Variants in SLC28A1 observed in about 807,000 individuals in gnomAD.
SLC28A1 encodes the protein solute carrier family 28 member 1.
Under a neutral mutation model 74.8 loss-of-function variants are expected in SLC28A1, and 64 were observed. The observed-to-expected ratio is 0.86, with a 90% CI of 0.70 to 1.05. The LOEUF (loss-of-function observed/expected upper bound fraction) is 1.05. SLC28A1 is among the 50% of genes least tolerant of loss of function. The pLI is 0.00. For synonymous variants in SLC28A1, 359 were observed against 335.0 expected, an observed-to-expected ratio of 1.07 and a Z score of -0.78; for missense variants, 828 against 822.8, an observed-to-expected ratio of 1.01 and a Z score of -0.08.
At chr15:84,926,421 T>C (rs193104992) in intron 12 of SLC28A1, 66 of 367,760 alleles carry the variant, frequency 1.8e-4, no homozygotes, top group Non-Finnish European at 2.0e-4. Flanking sequence ...CAGGCTGGTC[T>C]TGAACTCCTG....
At chr15:84,930,243 C>T (rs1182080087) in intron 12 of SLC28A1, among the ~76,000 whole-genome samples, 1 of 152,190 alleles carries the variant, frequency 6.6e-6, no homozygotes, top group Non-Finnish European at 1.5e-5. Flanking sequence ...TCCCAAGATT[C>T]CAGGTGTGGC....
chr15:84,945,570 A>C lies in SLC28A1; in HGVS notation c.*370A>C. ...CCCTTCTGTTGTGGGCTGCACACCAAAGCCTCCTCCCCTCCCCACTTCCTA... is the reference window on the plus strand; with the variant it reads ...CCCTTCTGTTGTGGGCTGCACACCACAGCCTCCTCCCCTCCCCACTTCCTA... On this transcript the variant is annotated 3_prime_UTR_variant, in exon 19 of 19. Coordinates refer to ENST00000394573, the MANE Select transcript of SLC28A1 (RefSeq NM_004213.5). 1 of 311,828 alleles carries C rather than the reference A, an allele frequency of 3.2e-6. No homozygotes were observed. Among genetic ancestry groups the C allele is most frequent in the Non-Finnish European group, 6.3e-6 (1 of 159,628 alleles). The allele number at this position is 311,828 out of a possible 1,614,324, so 19.3% of individuals were successfully genotyped here. A position where few individuals can be genotyped will look rare whatever the true frequency, so the allele number is the denominator to read the frequency against.
chr15:84,957,248 GT>G, the SLC28A1 span, among the ~76,000 whole-genome samples: 2 of 151,982 alleles, frequency 1.3e-5, no homozygotes, highest in South Asian at 4.2e-4. Flanking sequence ...TTTGCACGTA[GT>G]TTTTTGTTTG....
chr15:84,905,743 GC>G, intron 8 of SLC28A1, 91 bp downstream of exon 8: 1 of 989,110 alleles, frequency 1.0e-6, no homozygotes, highest in Non-Finnish European at 1.6e-6. Flanking sequence ...GGGTGGTGAG[GC>G]CATAGAGAAG....
At chr15:84,908,568 A>C (rs1331906388) in intron 8 of SLC28A1, 150 bp from the exon 9 acceptor site, 1 of 706,232 alleles carries the variant, frequency 1.4e-6, no homozygotes, top group Non-Finnish European at 2.5e-6. Context: ...AGCAGCTTTA[A>C]CGCACCTTGC....
chr15:84,951,437 A>AT, the SLC28A1 span, among the ~76,000 whole-genome samples: 2 of 44,536 alleles, frequency 4.5e-5, no homozygotes, highest in African/African-American at 1.4e-4. Context: ...AAAAAAAATA[A>AT]TTAAAAAAAA....
At chr15:84,910,925 T>C (rs1968107228) in intron 9 of SLC28A1, among the ~76,000 whole-genome samples, 1 of 152,074 alleles carries the variant, frequency 6.6e-6, no homozygotes, top group South Asian at 2.1e-4. Flanking sequence ...CAGAAGAGAT[T>C]TGGACAGACT....
chr15:84,928,663 G>A lies in SLC28A1; in HGVS notation c.1084-4482G>A, dbSNP rs1322787409. 8.0e-5 allele frequency among the ~76,000 whole-genome samples: 11 copies of A among 138,198 alleles called. No individual in the cohort carries two copies. The South Asian group carries it at 9.7e-4, about 12-fold the overall frequency. 90.7% of individuals were successfully genotyped at this position (138,198 alleles called of 152,430 possible). On this transcript the variant is annotated intron_variant, in intron 12 of 18. Coordinates refer to ENST00000394573, the MANE Select transcript of SLC28A1 (RefSeq NM_004213.5). ...TTTTGAGACAGAGTCTCCCTCTGTC[G>A]CCCAGGCTGGAGTGCAGTGGCTCAA...
intron 9 of SLC28A1, 67 bp downstream of exon 9, chr15:84,908,862 G>T: frequency 7.4e-7 from 1 of 1,348,236 alleles, no homozygotes; most frequent in Non-Finnish European, 1.1e-6. Context: ...CTAGAGGGGA[G>T]TCTGGGCATG....
At chr15:84,971,232 T>C in the SLC28A1 span, among the ~76,000 whole-genome samples, 156 of 152,274 alleles carry the variant, frequency 1.0e-3, 1 homozygote, top group African/African-American at 3.6e-3. Flanking sequence ...GTTACAAAGC[T>C]GTTGAAAGGG....
intron 12 of SLC28A1, 66 bp downstream of exon 12, chr15:84,924,176 A>G: frequency 6.4e-7 from 1 of 1,559,860 alleles, no homozygotes; most frequent in Admixed American, 1.7e-5. Flanking sequence ...TGGGAGCCCC[A>G]CACAGCTCCT....
At chr15:84,912,799 C>CACGCGCGT (rs1968467475) in intron 9 of SLC28A1, among the ~76,000 whole-genome samples, 1 of 56,044 alleles carries the variant, frequency 1.8e-5, no homozygotes, top group African/African-American at 4.8e-5. Context: ...CCAAATTTTG[C>CACGCGCGT]GCGCGCGCAC....
At chr15:84,946,777 G>T (rs1326638320), downstream of SLC28A1, among the ~76,000 whole-genome samples, 1 of 152,052 alleles carries the variant, frequency 6.6e-6, no homozygotes, top group African/African-American at 2.4e-5. Context: ...GAGGCCCGAT[G>T]TCCCTCCCCT....
chr15:84,946,475 A>C (rs2079235406), downstream of SLC28A1, among the ~76,000 whole-genome samples: 1 of 151,998 alleles, frequency 6.6e-6, no homozygotes, highest in Non-Finnish European at 1.5e-5. Flanking sequence ...TCACTAGTTG[A>C]GGAATCGGAG....
At chr15:84,946,112 A>ATATATATT (rs57190791), downstream of SLC28A1, among the ~76,000 whole-genome samples, 6 of 13,476 alleles carry the variant, frequency 4.5e-4, 1 homozygote, top group East Asian at 5.2e-3. Flanking sequence ...ATATATATAT[A>ATATATATT]TTTTTTTTTT....
At chr15:84,946,112 A>ATTTTTTTTTTTTTTTTTTTTTTT (rs1165709632), downstream of SLC28A1, among the ~76,000 whole-genome samples, 1 of 13,482 alleles carries the variant, frequency 7.4e-5, no homozygotes, top group Non-Finnish European at 1.2e-4. Flanking sequence ...ATATATATAT[A>ATTTTTTTTTTTTTTTTTTTTTTT]TTTTTTTTTT....
the SLC28A1 span, chr15:84,975,412 GACA>G: frequency 2.2e-6 from 1 of 449,038 alleles, no homozygotes. Context: ...AGAACATCTC[GACA>G]ACATTAGATA....
In SLC28A1 at chr15:84,924,050, C is replaced by T. The variant is rs1460373985; in HGVS notation, c.1023C>T (p.Val341=). Reference sequence around the variant, plus strand: ...TGACACTCTCTGAAGTCCACGTTGTCATGACCGGAGGTTACGCCACCATTG... The same window carrying T: ...TGACACTCTCTGAAGTCCACGTTGTTATGACCGGAGGTTACGCCACCATTG... ...ADMTLSEVHV[V]MTGGYATIAG... is the part of the protein sequence containing the mutation. The change falls in exon 12 of 19, where the codon GTC becomes GTT. Residue 341 remains valine, a synonymous_variant. Coordinates refer to ENST00000394573, the MANE Select transcript of SLC28A1 (RefSeq NM_004213.5). 4 of 1,614,036 alleles carry T rather than the reference C, an allele frequency of 2.5e-6. No homozygotes were observed. Among genetic ancestry groups the T allele is most frequent in the Non-Finnish European group, 3.4e-6 (4 of 1,179,998 alleles).
intron 9 of SLC28A1, among the ~76,000 whole-genome samples, chr15:84,916,359 A>C (rs1969107099): frequency 6.7e-6 from 1 of 150,202 alleles, no homozygotes; most frequent in Non-Finnish European, 1.5e-5. Flanking sequence ...CTCCCACTTC[A>C]GCCTCCAGAG....
Sources: gnomAD v4.1 joint callset for allele counts (sites outside exome capture counted in the v4.1 genomes callset) on GRCh38, gnomAD v4.1.1 for gene constraint, MANE v1.5 for transcripts, NCBI Gene and HGNC (gene_info 2026-07-23, HGNC 2026-07-21) for gene names.